CORIN: variants seen among roughly 807,000 people sequenced by gnomAD.
CORIN encodes the protein corin, serine peptidase.
CORIN carries 117 observed loss-of-function variants against 125.3 expected under a neutral mutation model. That is an observed-to-expected ratio of 0.93 (90% CI 0.80 to 1.09). CORIN has a LOEUF of 1.09. Ranked by LOEUF, CORIN falls within the 50% of genes least tolerant of loss-of-function variation. CORIN has a pLI of 0.00. For synonymous variants in CORIN, 450 were observed against 466.4 expected (o/e 0.96, Z 0.45); for missense variants, 1,253 against 1,306.7 (o/e 0.96, Z 0.63).
chr4:47,659,100 T>TC (rs1283774809), intron 12 of CORIN, among the ~76,000 whole-genome samples: 3 of 152,272 alleles, frequency 2.0e-5, no homozygotes, highest in Non-Finnish European at 4.4e-5. Context: ...GGTGAACCTT[T>TC]CCCCCGGTTC....
At chr4:47,832,423 C>CT (rs1733074563) in intron 1 of CORIN, among the ~76,000 whole-genome samples, 1 of 144,828 alleles carries the variant, frequency 6.9e-6, no homozygotes, top group South Asian at 2.2e-4. Flanking sequence ...CTTTTCTTTT[C>CT]TTTCTTTCTT....
chr4:47,610,459 T>C (rs1248124592), intron 19 of CORIN, among the ~76,000 whole-genome samples: 9 of 151,916 alleles, frequency 5.9e-5, no homozygotes, highest in African/African-American at 1.2e-4. Context: ...GTTTTTTTTT[T>C]CTTGTAAATT....
chr4:47,802,033 A>G (rs1731566713), intron 2 of CORIN, among the ~76,000 whole-genome samples: 1 of 152,196 alleles, frequency 6.6e-6, no homozygotes, highest in South Asian at 2.1e-4. Context: ...GGGACTTTAC[A>G]TTGAACTCAG....
At chr4:47,756,407 C>T (rs1304220510) in intron 4 of CORIN, among the ~76,000 whole-genome samples, 2 of 152,172 alleles carry the variant, frequency 1.3e-5, no homozygotes, top group Non-Finnish European at 2.9e-5. Context: ...GCATTCTCTG[C>T]AGTTGCCAGA....
At chr4:47,829,445 T>C (rs181927959) in intron 1 of CORIN, among the ~76,000 whole-genome samples, 1 of 152,336 alleles carries the variant, frequency 6.6e-6, no homozygotes, top group East Asian at 1.9e-4. Context: ...TCCTTTATCA[T>C]AAACCAGTGA....
chr4:47,707,996 C>T (rs919556985), intron 5 of CORIN, among the ~76,000 whole-genome samples: 1 of 152,180 alleles, frequency 6.6e-6, no homozygotes, highest in East Asian at 1.9e-4. Flanking sequence ...GTGATAACCT[C>T]GTTGACTAGA....
intron 1 of CORIN, among the ~76,000 whole-genome samples, chr4:47,825,587 C>T (rs1732710486): frequency 6.6e-6 from 1 of 151,952 alleles, no homozygotes; most frequent in African/African-American, 2.4e-5. Flanking sequence ...CCACCAAGCC[C>T]ACATTGCAGT....
In CORIN at chr4:47,603,592, G is replaced by T; in HGVS notation, c.2617C>A (p.Arg873Ser). 1 of 1,614,170 alleles carries T rather than the reference G, an allele frequency of 6.2e-7. No individual in the cohort carries two copies. Among genetic ancestry groups the T allele is most frequent in the East Asian group, 2.2e-5 (1 of 44,888 alleles). Residue 873 changes from arginine (R) to serine (S), a missense_variant, in exon 20 of 22, where the codon CGC (arginine) becomes AGC (serine). By Grantham distance (110) the Arg-to-Ser change is moderately radical. Coordinates refer to ENST00000273857, the MANE Select transcript of CORIN (RefSeq NM_006587.4). ...TGCAGGATGATGGTCTTCACAAAGC[G>T]TGTCTGCATGAACACTGATGGATGG... Reference protein sequence around the residue: ...LDHPSVFMQTRFVKTIILHPR... With the variant: ...LDHPSVFMQTSFVKTIILHPR...
At chr4:47,734,740 T>C (rs1052629646) in intron 5 of CORIN, among the ~76,000 whole-genome samples, 4 of 152,080 alleles carry the variant, frequency 2.6e-5, no homozygotes, top group Admixed American at 1.3e-4. Flanking sequence ...TTTTAGGCCA[T>C]GTAATTTTTT....
chr4:47,806,898 C>A lies in CORIN; in HGVS notation c.208+5G>T, dbSNP rs751771398. On this transcript the variant is annotated splice_donor_5th_base_variant and intron_variant, in intron 2 of 21. Transcript: ENST00000273857. Reference sequence around the variant, plus strand: ...TCATTTTTATTTAATAATGGCCTCACCCACCAACATAGGAAAGCAGGATCA... The same window carrying A: ...TCATTTTTATTTAATAATGGCCTCAACCACCAACATAGGAAAGCAGGATCA... The A allele has an allele frequency of 6.2e-7, 1 of 1,609,530 alleles. No individual in the cohort carries two copies. The highest frequency in any genetic ancestry group is 8.5e-7 in the Non-Finnish European group (1 of 1,178,380).
At chr4:47,718,078 A>T (rs1727185047) in intron 5 of CORIN, among the ~76,000 whole-genome samples, 1 of 152,222 alleles carries the variant, frequency 6.6e-6, no homozygotes, top group Non-Finnish European at 1.5e-5. Context: ...CAGGCAGAAC[A>T]CAAGCCATCT....
intron 5 of CORIN, among the ~76,000 whole-genome samples, chr4:47,704,962 C>A (rs571125794): frequency 1.3e-5 from 2 of 152,300 alleles, no homozygotes; most frequent in East Asian, 3.9e-4. Flanking sequence ...TCAGCCTGAT[C>A]CCCTCAACTG....
intron 1 of CORIN, among the ~76,000 whole-genome samples, chr4:47,813,636 T>A (rs899831380): frequency 6.6e-6 from 1 of 152,252 alleles, no homozygotes; most frequent in African/African-American, 2.4e-5. Flanking sequence ...TTTTGAAATG[T>A]GAAGATTAAT....
chr4:47,724,052 ATAAT>A (rs1727476605), intron 5 of CORIN, among the ~76,000 whole-genome samples: 1 of 151,846 alleles, frequency 6.6e-6, no homozygotes, highest in African/African-American at 2.4e-5. Flanking sequence ...AAGTGAAAAG[ATAAT>A]TAATAGGCAC....
chr4:47,604,011 A>G (rs1303851385), intron 19 of CORIN, among the ~76,000 whole-genome samples: 1 of 152,208 alleles, frequency 6.6e-6, no homozygotes, highest in East Asian at 1.9e-4. Context: ...GTGAAAAAGA[A>G]GAGGAAGCCA....
chr4:47,803,908 T>C (rs539369634), intron 2 of CORIN, among the ~76,000 whole-genome samples: 9 of 152,254 alleles, frequency 5.9e-5, no homozygotes, highest in Admixed American at 4.6e-4. Flanking sequence ...GTCAACAAAG[T>C]GAAGAGACAA....
chr4:47,759,309 A>G (rs1242186993), intron 4 of CORIN, among the ~76,000 whole-genome samples: 2 of 152,212 alleles, frequency 1.3e-5, no homozygotes, highest in Non-Finnish European at 2.9e-5. Flanking sequence ...AGCCTGGTTA[A>G]TGATTTTTGG....
chr4:47,671,990 G>C (rs1354099883), intron 10 of CORIN, among the ~76,000 whole-genome samples: 1 of 152,200 alleles, frequency 6.6e-6, no homozygotes, highest in Non-Finnish European at 1.5e-5. Flanking sequence ...GAATATATGT[G>C]GAGAGAAGTT....
intron 1 of CORIN, chr4:47,837,391 T>C: frequency 4.5e-6 from 1 of 223,944 alleles, no homozygotes; most frequent in Non-Finnish European, 8.9e-6. Flanking sequence ...CAGGCAAGAC[T>C]GCTGCACAGT....
Sources: gnomAD v4.1 joint callset for allele counts (sites outside exome capture counted in the v4.1 genomes callset) on GRCh38, gnomAD v4.1.1 for gene constraint, MANE v1.5 for transcripts, NCBI Gene and HGNC (gene_info 2026-07-23, HGNC 2026-07-21) for gene names.